The following CNOT6 variants were observed in gnomAD, a reference collection of about 807,000 sequenced individuals.
The protein encoded by CNOT6 is carbon catabolite repression 4 protein.
CNOT6 carries 12 observed loss-of-function variants against 61.2 expected under a neutral mutation model. That is an observed-to-expected ratio of 0.20 (90% confidence interval 0.13 to 0.32). The LOEUF (loss-of-function observed/expected upper bound fraction) is 0.32, where lower values mean the gene tolerates loss of function less well. Ranked by LOEUF, CNOT6 falls within the 10% of genes least tolerant of loss-of-function variation. The probability of loss-of-function intolerance (pLI) is 1.00; values close to 1 mark genes in which losing one functional copy is unlikely to be tolerated. For synonymous variants in CNOT6, 225 were observed against 240.6 expected (o/e 0.94, Z 0.60); for missense variants, 405 against 663.9 (o/e 0.61, Z 4.28).
At chr5:180,566,020 AG>A (rs768991175) in intron 7 of CNOT6, 43 bp downstream of exon 7, 2 of 1,537,314 alleles carry the variant, frequency 1.3e-6, no homozygotes, top group South Asian at 2.4e-5. Context: ...TGATAAAGGA[AG>A]GAGCAACTAG....
In CNOT6 at chr5:180,571,376, C is replaced by A. The variant is rs750939728; in HGVS notation, c.1405C>A (p.Gln469Lys). Residue 469 changes from glutamine (Q) to lysine (K), a missense_variant, in exon 11 of 12, where the codon CAG becomes AAG. Gln to Lys is a moderately conservative substitution (Grantham distance 53, BLOSUM62 1). Transcript: ENST00000261951. ...NGRITHGFKLQSAYESGLMPY... is the reference protein window; with the variant it reads ...NGRITHGFKLKSAYESGLMPY... ...AAGGATCACTCATGGTTTCAAGTTA[C>A]AGAGTGCCTATGAGAGTGGCCTGAT... 3 of 1,614,018 alleles carry A rather than the reference C, an allele frequency of 1.9e-6. No individual in the cohort carries two copies. Among genetic ancestry groups the A allele is most frequent in the Non-Finnish European group, 2.5e-6 (3 of 1,179,976 alleles).
intron 11 of CNOT6, among the ~76,000 whole-genome samples, chr5:180,572,162 A>G (rs1161176383): frequency 6.6e-6 from 1 of 152,112 alleles, no homozygotes; most frequent in African/African-American, 2.4e-5. Flanking sequence ...TGTGATTTAT[A>G]TTAGCTATTT....
chr5:180,533,626 G>A (rs1439626828), intron 2 of CNOT6, among the ~76,000 whole-genome samples: 9 of 151,994 alleles, frequency 5.9e-5, no homozygotes, highest in South Asian at 4.1e-4. Context: ...TGTTGCCCAG[G>A]CTGGTCTTGA....
intron 1 of CNOT6, among the ~76,000 whole-genome samples, chr5:180,502,883 A>C (rs1756943815): frequency 6.6e-6 from 1 of 152,248 alleles, no homozygotes; most frequent in South Asian, 2.1e-4. Flanking sequence ...TTAAGTAAAC[A>C]CTTCAGCATC....
chr5:180,499,344 T>A (rs912596971), intron 1 of CNOT6, among the ~76,000 whole-genome samples: 17 of 152,228 alleles, frequency 1.1e-4, no homozygotes, highest in African/African-American at 3.9e-4. Context: ...AATTCAACCC[T>A]ATGTCCACTT....
chr5:180,550,049 G>A lies in CNOT6; in HGVS notation c.231G>A (p.Val77=), dbSNP rs553610643. 1 of 1,614,044 alleles carries A rather than the reference G, an allele frequency of 6.2e-7. No homozygotes were observed. Among genetic ancestry groups the A allele is most frequent in the South Asian group, 1.1e-5 (1 of 91,074 alleles). Residue 77 remains valine (V), a synonymous_variant, in exon 3 of 12, where the codon GTG becomes GTA. Transcript: ENST00000261951. ...PSDIAKLHNL[V]YLDLSSNKIR... ...ACATTGCCAAGCTTCACAATCTGGT[G>A]TATTTGGACCTGTCATCTAATAAAA...
At chr5:180,498,748 T>G (rs954741190) in intron 1 of CNOT6, among the ~76,000 whole-genome samples, 1 of 152,040 alleles carries the variant, frequency 6.6e-6, no homozygotes, top group African/African-American at 2.4e-5. Context: ...GAGAATAGAG[T>G]GGAGGCCCTA....
At chr5:180,559,980 G>A (rs138484960) in intron 4 of CNOT6, among the ~76,000 whole-genome samples, 1 of 145,578 alleles carries the variant, frequency 6.9e-6, no homozygotes, top group Non-Finnish European at 1.5e-5. Flanking sequence ...ACAGAGTCTC[G>A]CTCTGTTGCC....
At chr5:180,524,867 T>C (rs1350137435) in intron 1 of CNOT6, among the ~76,000 whole-genome samples, 1 of 152,208 alleles carries the variant, frequency 6.6e-6, no homozygotes, top group African/African-American at 2.4e-5. Flanking sequence ...GAAGATCAGA[T>C]AGTTACTTTG....
intron 1 of CNOT6, among the ~76,000 whole-genome samples, chr5:180,518,199 A>G (rs1466420946): frequency 6.6e-6 from 1 of 152,186 alleles, no homozygotes; most frequent in African/African-American, 2.4e-5. Flanking sequence ...TCAAATGGTC[A>G]TAGTTTGTCC....
intron 2 of CNOT6, among the ~76,000 whole-genome samples, chr5:180,542,148 T>C (rs1020228064): frequency 6.6e-6 from 1 of 152,162 alleles, no homozygotes; most frequent in South Asian, 2.1e-4. Flanking sequence ...TTTTAAGCAG[T>C]GTGATAATGA....
chr5:180,528,920 A>G (rs1014586233), intron 1 of CNOT6, among the ~76,000 whole-genome samples: 2 of 152,124 alleles, frequency 1.3e-5, no homozygotes, highest in Non-Finnish European at 2.9e-5. Context: ...TCCACTTTTA[A>G]AAGATGTGGG....
At chr5:180,495,135 C>T (rs1285507292) in intron 1 of CNOT6, among the ~76,000 whole-genome samples, 6 of 152,208 alleles carry the variant, frequency 3.9e-5, no homozygotes, top group African/African-American at 1.4e-4. Context: ...TGAGAAGCGC[C>T]TCTGTGGGTG....
At chr5:180,543,561 AAT>A (rs903470701) in intron 2 of CNOT6, among the ~76,000 whole-genome samples, 27 of 152,328 alleles carry the variant, frequency 1.8e-4, no homozygotes, top group African/African-American at 6.3e-4. Context: ...TTTCCCCAAC[AAT>A]ATATGTCTTA....
At chr5:180,502,241 C>T (rs570301881) in intron 1 of CNOT6, among the ~76,000 whole-genome samples, 1 of 152,036 alleles carries the variant, frequency 6.6e-6, no homozygotes, top group South Asian at 2.1e-4. Context: ...TTTGGTGATA[C>T]AAAATTGTTT....
intron 4 of CNOT6, among the ~76,000 whole-genome samples, chr5:180,555,635 ATTGGGTGGAATGATCCG>A (rs1013866036): frequency 3.3e-5 from 5 of 152,184 alleles, no homozygotes; most frequent in African/African-American, 1.2e-4. Context: ...GTGTCGGAAC[ATTGGGTGGAATGATCCG>A]TTTGGGGGTA....
intron 2 of CNOT6, among the ~76,000 whole-genome samples, chr5:180,539,649 G>C (rs1371432624): frequency 8.5e-6 from 1 of 117,760 alleles, no homozygotes; most frequent in Non-Finnish European, 1.6e-5. Flanking sequence ...GAGTGCAGTG[G>C]TGTGATCTCG....
chr5:180,528,050 C>T (rs1349728901), intron 1 of CNOT6, among the ~76,000 whole-genome samples: 1 of 151,878 alleles, frequency 6.6e-6, no homozygotes, highest in African/African-American at 2.4e-5. Context: ...GAAACTGGTC[C>T]GTGGTGCCAA....
intron 2 of CNOT6, among the ~76,000 whole-genome samples, chr5:180,549,320 T>G (rs898583313): frequency 2.6e-5 from 4 of 152,188 alleles, no homozygotes; most frequent in Non-Finnish European, 1.5e-5. Context: ...TACTATAAAT[T>G]AATCATATTT....
Sources: allele counts gnomAD v4.1 joint callset (sites outside exome capture counted in the v4.1 genomes callset), GRCh38; gene constraint gnomAD v4.1.1; transcripts MANE v1.5; gene names NCBI Gene and HGNC (gene_info 2026-07-23, HGNC 2026-07-21).